ROBO2: variants seen among roughly 807,000 people sequenced by gnomAD.
ROBO2 encodes the protein roundabout homolog 2.
Under a neutral mutation model 160.8 loss-of-function variants are expected in ROBO2, and 53 were observed. That is an observed-to-expected ratio of 0.33 (90% confidence interval 0.26 to 0.41). The LOEUF (loss-of-function observed/expected upper bound fraction) is 0.41, where lower values mean the gene tolerates loss of function less well. Ranked by LOEUF, ROBO2 falls within the 10% of genes least tolerant of loss-of-function variation. The pLI is 1.00. For synonymous variants in ROBO2, 664 were observed against 611.7 expected, an observed-to-expected ratio of 1.09 and a Z score of -1.26; for missense variants, 1,577 against 1,722.4, an observed-to-expected ratio of 0.92 and a Z score of 1.49.
intron 16 of ROBO2, among the ~76,000 whole-genome samples, chr3:77,584,735 C>A (rs796528): frequency 0.58 from 87,112 of 151,468 alleles, 25,132 homozygotes; most frequent in Middle Eastern, 0.72. Flanking sequence ...CTGAGGGAAA[C>A]CTACAATCTT....
intron 2 of ROBO2, among the ~76,000 whole-genome samples, chr3:76,019,073 C>G (rs535126951): frequency 1.3e-5 from 2 of 151,860 alleles, no homozygotes; most frequent in East Asian, 3.9e-4. Flanking sequence ...TTATGGCCTC[C>G]CCACATGGTT....
chr3:76,920,868 T>A (rs562060873), intron 2 of ROBO2, among the ~76,000 whole-genome samples: 1 of 152,352 alleles, frequency 6.6e-6, no homozygotes, highest in Admixed American at 6.5e-5. Context: ...TGAGTTTTTT[T>A]AAAAACTCAC....
chr3:76,087,642 T>G (rs549239330), intron 2 of ROBO2, among the ~76,000 whole-genome samples: 1 of 152,204 alleles, frequency 6.6e-6, no homozygotes, highest in Non-Finnish European at 1.5e-5. Flanking sequence ...TATTTTAATT[T>G]ATCTAATAAC....
chr3:75,936,771 A>G (rs564048029), intron 1 of ROBO2, among the ~76,000 whole-genome samples: 38 of 152,058 alleles, frequency 2.5e-4, no homozygotes, highest in South Asian at 6.2e-4. Context: ...ACATTTAAGT[A>G]TTTTCATATA....
chr3:77,016,152 A>G (rs1418676748), intron 2 of ROBO2, among the ~76,000 whole-genome samples: 3 of 151,646 alleles, frequency 2.0e-5, no homozygotes, highest in Admixed American at 1.3e-4. Context: ...AATTTTTTGT[A>G]TTTTTAGTAG....
intron 2 of ROBO2, among the ~76,000 whole-genome samples, chr3:76,770,075 A>G (rs1238366245): frequency 6.6e-6 from 1 of 151,504 alleles, no homozygotes; most frequent in Non-Finnish European, 1.5e-5. Flanking sequence ...TTATCCAAGT[A>G]TAGCAGGGTC....
At chr3:76,700,848 T>C (rs1490767740) in intron 2 of ROBO2, among the ~76,000 whole-genome samples, 2 of 152,154 alleles carry the variant, frequency 1.3e-5, no homozygotes, top group Admixed American at 1.3e-4. Flanking sequence ...TTTTAGACTG[T>C]GTTATGTCTG....
intron 2 of ROBO2, among the ~76,000 whole-genome samples, chr3:76,163,936 A>T (rs1174189737): frequency 6.6e-6 from 1 of 151,966 alleles, no homozygotes; most frequent in Admixed American, 6.6e-5. Context: ...ACATTAATTG[A>T]CTCCTTCTTT....
chr3:76,225,050 T>C (rs1427602144), intron 2 of ROBO2, among the ~76,000 whole-genome samples: 1 of 152,180 alleles, frequency 6.6e-6, no homozygotes, highest in Non-Finnish European at 1.5e-5. Context: ...CTTCTTAATA[T>C]ACTCATTTAT....
chr3:76,551,461 G>A (rs1294169820), intron 2 of ROBO2, among the ~76,000 whole-genome samples: 2 of 152,122 alleles, frequency 1.3e-5, no homozygotes, highest in East Asian at 3.9e-4. Context: ...CCTGGACGTG[G>A]GACAAGAACT....
At chr3:77,475,226 C>T (rs2083860239) in intron 2 of ROBO2, among the ~76,000 whole-genome samples, 1 of 152,168 alleles carries the variant, frequency 6.6e-6, no homozygotes, top group African/African-American at 2.4e-5. Flanking sequence ...ATCATTATCT[C>T]ACCCTACTCT....
chr3:77,531,799 A>T (rs2153635322), intron 6 of ROBO2, among the ~76,000 whole-genome samples: 1 of 152,228 alleles, frequency 6.6e-6, no homozygotes, highest in Non-Finnish European at 1.5e-5. Flanking sequence ...GTACCTTGAA[A>T]GGAGACCTAG....
intron 2 of ROBO2, among the ~76,000 whole-genome samples, chr3:77,205,756 C>T (rs997100957): frequency 2.0e-5 from 3 of 151,738 alleles, no homozygotes; most frequent in Non-Finnish European, 2.9e-5. Context: ...ATAATACTGC[C>T]GATTATATTT....
At chr3:76,206,636 C>G (rs1002199271) in intron 2 of ROBO2, among the ~76,000 whole-genome samples, 1 of 152,174 alleles carries the variant, frequency 6.6e-6, no homozygotes, top group Non-Finnish European at 1.5e-5. Context: ...CCCCCTTCAC[C>G]ACTGCTTGAG....
At chr3:77,414,891 A>T (rs561052962) in intron 2 of ROBO2, among the ~76,000 whole-genome samples, 55 of 152,318 alleles carry the variant, frequency 3.6e-4, no homozygotes, top group African/African-American at 1.3e-3. Flanking sequence ...GTCAATTTAT[A>T]TAAATAGAGA....
chr3:77,034,799 T>C (rs1559874357), intron 2 of ROBO2, among the ~76,000 whole-genome samples: 1 of 152,096 alleles, frequency 6.6e-6, no homozygotes, highest in South Asian at 2.1e-4. Flanking sequence ...ATTACAGCTA[T>C]GTATTGCTAA....
At chr3:77,129,558 G>C (rs572595774) in intron 2 of ROBO2, among the ~76,000 whole-genome samples, 3 of 152,160 alleles carry the variant, frequency 2.0e-5, no homozygotes, top group African/African-American at 7.2e-5. Context: ...AGTGATAGTC[G>C]GTTGGCGAGA....
chr3:77,632,294 C>G, intron 23 of ROBO2: 1 of 509,626 alleles, frequency 2.0e-6, no homozygotes, highest in East Asian at 2.9e-5. Context: ...TTCAAATGAG[C>G]TTCATTCTTC....
chr3:76,343,455 CCTT>C (rs746901206), intron 2 of ROBO2, among the ~76,000 whole-genome samples: 38 of 151,956 alleles, frequency 2.5e-4, no homozygotes, highest in Non-Finnish European at 4.9e-4. Flanking sequence ...GGAATGAAGT[CCTT>C]CTAGAATGAA....
Sources: allele counts gnomAD v4.1 joint callset (sites outside exome capture counted in the v4.1 genomes callset), GRCh38; gene constraint gnomAD v4.1.1; transcripts MANE v1.5; gene names NCBI Gene and HGNC (gene_info 2026-07-23, HGNC 2026-07-21).